MCTP1: variants seen among roughly 807,000 people sequenced by gnomAD.
MCTP1 encodes multiple C2 and transmembrane domain-containing protein 1.
In MCTP1, 69 loss-of-function variants were observed where a neutral mutation model predicts 120.6. That is an observed-to-expected ratio of 0.57 (90% CI 0.47 to 0.70). The LOEUF (loss-of-function observed/expected upper bound fraction) is 0.70. Ranked by LOEUF, MCTP1 falls within the 30% of genes least tolerant of loss-of-function variation. The probability of loss-of-function intolerance (pLI) is 0.00; values close to 1 mark genes in which losing one functional copy is unlikely to be tolerated. For missense variants in MCTP1, 1,203 were observed against 1,248.8 expected (o/e 0.96, Z 0.55); for synonymous variants, 529 against 493.1 (o/e 1.07, Z -0.96).
chr5:95,038,163 A>G, intron 1 of MCTP1: 1 of 978,242 alleles, frequency 1.0e-6, no homozygotes, highest in Non-Finnish European at 1.2e-6. Flanking sequence ...TTGTGCGAAT[A>G]GCAAGTTATT....
intron 2 of MCTP1, among the ~76,000 whole-genome samples, chr5:94,984,038 C>G (rs879343274): frequency 2.0e-5 from 3 of 152,186 alleles, no homozygotes; most frequent in Non-Finnish European, 4.4e-5. Flanking sequence ...TCTGCTTCAT[C>G]AGCACTCCCC....
At chr5:95,129,073 T>A (rs895228737) in intron 1 of MCTP1, among the ~76,000 whole-genome samples, 1 of 152,008 alleles carries the variant, frequency 6.6e-6, no homozygotes, top group Non-Finnish European at 1.5e-5. Flanking sequence ...ATTGGGAAAA[T>A]GAAATTAGAT....
chr5:95,144,618 G>C (rs1760219968), intron 1 of MCTP1, among the ~76,000 whole-genome samples: 1 of 152,078 alleles, frequency 6.6e-6, no homozygotes, highest in African/African-American at 2.4e-5. Flanking sequence ...TCATCCTTCT[G>C]CATAGGACTA....
intron 1 of MCTP1, among the ~76,000 whole-genome samples, chr5:95,274,317 C>T (rs184262647): frequency 2.5e-4 from 38 of 152,334 alleles, no homozygotes; most frequent in Middle Eastern, 3.4e-3. Context: ...AGAACACCCT[C>T]AAACTGTTAC....
At chr5:94,829,014 C>CA (rs138764875) in intron 17 of MCTP1, among the ~76,000 whole-genome samples, 22 of 151,186 alleles carry the variant, frequency 1.5e-4, no homozygotes, top group South Asian at 8.4e-4. Context: ...ACAACAACAA[C>CA]AAAAAAAAAA....
intron 22 of MCTP1, 123 bp from the exon 23 acceptor site, chr5:94,707,690 G>C: frequency 1.4e-6 from 1 of 701,176 alleles, no homozygotes; most frequent in South Asian, 1.7e-5. Context: ...AGCTGTATGG[G>C]ATCTGCAGCT....
chr5:94,773,564 C>T (rs1774591218), intron 19 of MCTP1, among the ~76,000 whole-genome samples: 2 of 152,048 alleles, frequency 1.3e-5, no homozygotes, highest in Admixed American at 1.3e-4. Context: ...GTGTATTAGT[C>T]TGTTCTCATG....
At chr5:94,937,794 G>A (rs1207622930) in intron 5 of MCTP1, among the ~76,000 whole-genome samples, 1 of 151,934 alleles carries the variant, frequency 6.6e-6, no homozygotes, top group Non-Finnish European at 1.5e-5. Flanking sequence ...TCCCTTTAAT[G>A]TAAAAATTCA....
At chr5:95,024,392 T>G (rs1838806548) in intron 1 of MCTP1, among the ~76,000 whole-genome samples, 1 of 152,118 alleles carries the variant, frequency 6.6e-6, no homozygotes, top group African/African-American at 2.4e-5. Flanking sequence ...ATGAAAAGCA[T>G]TTGACAAAAT....
intron 1 of MCTP1, among the ~76,000 whole-genome samples, chr5:95,049,082 T>C (rs1695641226): frequency 6.6e-6 from 1 of 152,152 alleles, no homozygotes; most frequent in South Asian, 2.1e-4. Flanking sequence ...CTTTATTTAA[T>C]GGCGTCATCT....
intron 2 of MCTP1, among the ~76,000 whole-genome samples, chr5:95,011,578 C>T (rs1220501705): frequency 6.6e-6 from 1 of 151,894 alleles, no homozygotes; most frequent in African/African-American, 2.4e-5. Context: ...CTCACCAGAT[C>T]TGATGGTTTA....
At chr5:95,235,589 C>T (rs138286045) in intron 1 of MCTP1, among the ~76,000 whole-genome samples, 1 of 152,044 alleles carries the variant, frequency 6.6e-6, no homozygotes, top group African/African-American at 2.4e-5. Flanking sequence ...AATGTATACG[C>T]CTGAACTTAA....
chr5:95,072,188 C>T (rs539418073), intron 1 of MCTP1, among the ~76,000 whole-genome samples: 12 of 151,716 alleles, frequency 7.9e-5, no homozygotes, highest in African/African-American at 1.9e-4. Flanking sequence ...TACCCCACCT[C>T]CTATCCAGAG....
chr5:95,121,551 A>T (rs1758242363), intron 1 of MCTP1, among the ~76,000 whole-genome samples: 1 of 152,068 alleles, frequency 6.6e-6, no homozygotes, highest in African/African-American at 2.4e-5. Flanking sequence ...AAGAATTAAT[A>T]TTGTTAAAAT....
At chr5:95,151,130 CATATATAT>C (rs3037035) in intron 1 of MCTP1, among the ~76,000 whole-genome samples, 1,320 of 125,952 alleles carry the variant, frequency 0.01, 21 homozygotes, top group South Asian at 0.03. Flanking sequence ...ACGCCTGGCT[CATATATAT>C]ATATATATAT....
At chr5:94,762,722 C>A (rs1316527308) in intron 19 of MCTP1, among the ~76,000 whole-genome samples, 1 of 152,158 alleles carries the variant, frequency 6.6e-6, no homozygotes, top group Admixed American at 6.6e-5. Flanking sequence ...GATTTGTTTT[C>A]TGATCTCAGT....
intron 10 of MCTP1, among the ~76,000 whole-genome samples, chr5:94,904,568 A>T (rs983423752): frequency 2.0e-5 from 3 of 152,228 alleles, no homozygotes; most frequent in African/African-American, 7.2e-5. Context: ...TTTCCCCCAA[A>T]TATGGCCATT....
At chr5:95,128,195 G>C (rs77156137) in intron 1 of MCTP1, among the ~76,000 whole-genome samples, 1 of 152,286 alleles carries the variant, frequency 6.6e-6, no homozygotes, top group South Asian at 2.1e-4. Flanking sequence ...CAAGGTACAC[G>C]ACCATGATCA....
At chr5:94,791,136 A>ATAC (rs1778857355) in intron 18 of MCTP1, among the ~76,000 whole-genome samples, 2 of 150,630 alleles carry the variant, frequency 1.3e-5, no homozygotes, top group African/African-American at 4.9e-5. Flanking sequence ...AAAAAAAAGA[A>ATAC]AAAAATACAA....
Sources: allele counts gnomAD v4.1 joint callset (sites outside exome capture counted in the v4.1 genomes callset), GRCh38; gene constraint gnomAD v4.1.1; transcripts MANE v1.5; gene names NCBI Gene and HGNC (gene_info 2026-07-23, HGNC 2026-07-21).